Variants in GNG2 observed in about 807,000 individuals in gnomAD.
The protein encoded by GNG2 is G protein subunit gamma 2.
A neutral mutation model predicts 5.5 loss-of-function variants in GNG2; 5 were observed. The ratio of observed to expected loss-of-function variants is 0.91; its 90% confidence interval spans 0.48 to 1.92. GNG2 has a LOEUF of 1.92. Ranked by LOEUF, GNG2 falls within the 30% of genes most tolerant of loss-of-function variation. The pLI is 0.01. For synonymous variants in GNG2, 28 were observed against 32.0 expected, an observed-to-expected ratio of 0.88 and a Z score of 0.42; for missense variants, 55 against 88.4, an observed-to-expected ratio of 0.62 and a Z score of 1.52.
At chr14:51,946,981 G>C (rs1243541056) in intron 2 of GNG2, among the ~76,000 whole-genome samples, 1 of 152,154 alleles carries the variant, frequency 6.6e-6, no homozygotes, top group Non-Finnish European at 1.5e-5. Context: ...AGTGGTGCTC[G>C]ACTCTGCCTG....
chr14:51,864,236 G>A (rs1430883726), intron 1 of GNG2, among the ~76,000 whole-genome samples: 2 of 152,134 alleles, frequency 1.3e-5, no homozygotes, highest in East Asian at 3.9e-4. Flanking sequence ...ATCTCTTTAT[G>A]GTTTTGATGA....
intron 2 of GNG2, among the ~76,000 whole-genome samples, chr14:51,880,720 C>T (rs1031058487): frequency 2.6e-5 from 4 of 152,060 alleles, no homozygotes; most frequent in African/African-American, 4.8e-5. Flanking sequence ...ATAAGACTAT[C>T]GGTGCTAAAA....
chr14:51,928,220 C>T lies in GNG2; in HGVS notation c.-29-22430C>T, dbSNP rs892394987. 4.6e-5 allele frequency among the ~76,000 whole-genome samples: 7 copies of T among 151,746 alleles called. No homozygotes were observed. In the East Asian group the frequency reaches 5.8e-4, roughly 13 times the overall value. ...AATTTTTTTGTATTTTTAGTAGAGA[C>T]GGGGTTTCACCATGCTGGCCAAGCT... On this transcript the variant is annotated intron_variant, in intron 2 of 3. Coordinates refer to ENST00000556766, the MANE Select transcript of GNG2 (RefSeq NM_053064.5).
upstream of GNG2, among the ~76,000 whole-genome samples, chr14:51,857,957 C>T (rs1472359571): frequency 2.0e-5 from 3 of 152,164 alleles, no homozygotes; most frequent in Non-Finnish European, 4.4e-5. Context: ...AAAATTATGT[C>T]CTCCTCATTA....
At chr14:51,906,205 G>A (rs1885905929) in intron 2 of GNG2, among the ~76,000 whole-genome samples, 1 of 152,142 alleles carries the variant, frequency 6.6e-6, no homozygotes, top group African/African-American at 2.4e-5. Context: ...GACCCTCAGG[G>A]GCCCTGCCCC....
At chr14:51,847,361 T>A (rs1219906671) in intron 2 of GNG2, 1 of 152,272 alleles carries the variant, frequency 6.6e-6, no homozygotes. Context: ...ACACTTCAAG[T>A]CTGCAAAGGA....
intron 2 of GNG2, among the ~76,000 whole-genome samples, chr14:51,923,438 C>T (rs1253673): frequency 0.066 from 9,992 of 151,934 alleles, 948 homozygotes; most frequent in African/African-American, 0.2. Context: ...CCCATACATA[C>T]ACAAATATAT....
intron 2 of GNG2, among the ~76,000 whole-genome samples, chr14:51,908,233 C>A (rs186911001): frequency 6.6e-6 from 1 of 152,204 alleles, no homozygotes; most frequent in African/African-American, 2.4e-5. Context: ...TGCTCATGAC[C>A]TGGCTTTTCC....
Position 51,966,865 on chromosome 14 carries a change from C to A in GNG2, c.*178C>A. Reference sequence around the variant, plus strand: ...CCCTTTATGAGAATGCAAGCCGATCCACATCCTGACTTAAGAGATCTGATT... The same window carrying A: ...CCCTTTATGAGAATGCAAGCCGATCAACATCCTGACTTAAGAGATCTGATT... On this transcript the variant is annotated 3_prime_UTR_variant, in exon 4 of 4. Transcript: ENST00000556766. The A allele has an allele frequency of 2.0e-6, 1 of 493,562 alleles. No individual in the cohort carries two copies. The highest frequency in any genetic ancestry group is 3.6e-6 in the Non-Finnish European group (1 of 274,342). The allele number at this position is 493,562 out of a possible 1,614,324, so 30.6% of individuals were successfully genotyped here.
chr14:51,906,881 G>A (rs980046312), intron 2 of GNG2, among the ~76,000 whole-genome samples: 2 of 149,986 alleles, frequency 1.3e-5, no homozygotes, highest in Non-Finnish European at 3.0e-5. Flanking sequence ...TCAGCCTCCC[G>A]AGTAGCTGGG....
At chr14:51,867,507 G>T (rs114965032) in intron 1 of GNG2, among the ~76,000 whole-genome samples, 1 of 152,146 alleles carries the variant, frequency 6.6e-6, no homozygotes, top group Non-Finnish European at 1.5e-5. Context: ...TCCTCACCAA[G>T]CACCTCTAGT....
intron 2 of GNG2, among the ~76,000 whole-genome samples, chr14:51,888,323 G>T (rs545234815): frequency 6.6e-5 from 10 of 151,698 alleles, no homozygotes; most frequent in Non-Finnish European, 1.3e-4. Flanking sequence ...TGTTTTTGTT[G>T]TTGTTGTTGT....
intron 2 of GNG2, among the ~76,000 whole-genome samples, chr14:51,922,503 C>A (rs1887074207): frequency 6.6e-6 from 1 of 152,100 alleles, no homozygotes. Flanking sequence ...CCCCTCTTAG[C>A]CCTGACAACC....
chr14:51,827,543 T>C (rs1758016090), intron 1 of GNG2: 1 of 578,308 alleles, frequency 1.7e-6, no homozygotes, highest in African/African-American at 1.9e-5. Context: ...AAGCTAGGAG[T>C]GGTATTTTTT....
intron 2 of GNG2, among the ~76,000 whole-genome samples, chr14:51,878,506 A>G (rs1883827299): frequency 6.6e-6 from 1 of 152,144 alleles, no homozygotes; most frequent in Non-Finnish European, 1.5e-5. Flanking sequence ...GTTTATTTAC[A>G]TAACTGTTTA....
chr14:51,837,922 T>G (rs988948879), intron 2 of GNG2, among the ~76,000 whole-genome samples: 1 of 152,164 alleles, frequency 6.6e-6, no homozygotes, highest in Non-Finnish European at 1.5e-5. Flanking sequence ...TTATTTGCAT[T>G]GCTCCTATGA....
chr14:51,903,452 T>C (rs917226215), intron 2 of GNG2, among the ~76,000 whole-genome samples: 10 of 152,254 alleles, frequency 6.6e-5, no homozygotes, highest in African/African-American at 2.4e-4. Context: ...TTATATTTAA[T>C]ATGTGGTTTG....
At chr14:51,867,112 C>T (rs1488749510) in intron 1 of GNG2, among the ~76,000 whole-genome samples, 1 of 152,156 alleles carries the variant, frequency 6.6e-6, no homozygotes, top group African/African-American at 2.4e-5. Context: ...AAATCTCCTC[C>T]TACCTCTCTG....
At chr14:51,860,473 A>G (rs1882389113), upstream of GNG2, 1 of 152,574 alleles carries the variant, frequency 6.6e-6, no homozygotes. Context: ...AGCAGACAAA[A>G]CCACCAGAGT....
Sources: allele counts gnomAD v4.1 joint callset (sites outside exome capture counted in the v4.1 genomes callset), GRCh38; gene constraint gnomAD v4.1.1; transcripts MANE v1.5; gene names NCBI Gene and HGNC (gene_info 2026-07-23, HGNC 2026-07-21).